ZMAT4: variants seen among roughly 807,000 people sequenced by gnomAD.
The protein encoded by ZMAT4 is zinc finger matrin-type 4.
A neutral mutation model predicts 28.7 loss-of-function variants in ZMAT4; 17 were observed. The observed-to-expected ratio is 0.59, with a 90% confidence interval of 0.41 to 0.89. The LOEUF (loss-of-function observed/expected upper bound fraction) is 0.89. Ranked by LOEUF, ZMAT4 falls within the 40% of genes least tolerant of loss-of-function variation. The probability of loss-of-function intolerance (pLI) is 0.00; values close to 1 mark genes in which losing one functional copy is unlikely to be tolerated. For synonymous variants in ZMAT4, 117 were observed against 109.2 expected, an observed-to-expected ratio of 1.07 and a Z score of -0.44; for missense variants, 240 against 283.8, an observed-to-expected ratio of 0.85 and a Z score of 1.11.
intron 1 of ZMAT4, among the ~76,000 whole-genome samples, chr8:40,896,648 C>G (rs982117255): frequency 2.0e-5 from 3 of 152,166 alleles, no homozygotes; most frequent in Non-Finnish European, 4.4e-5. Context: ...TCCCAAGGGT[C>G]TCAGAGCAAG....
At chr8:40,761,797 G>C (rs1812953345) in intron 3 of ZMAT4, among the ~76,000 whole-genome samples, 1 of 152,140 alleles carries the variant, frequency 6.6e-6, no homozygotes, top group African/African-American at 2.4e-5. Flanking sequence ...CAGAATACTT[G>C]ACACACACTT....
At position 40,725,655 on chromosome 8, in the gene ZMAT4, A is replaced by G. The variant is rs76328760; in HGVS notation, c.193-28254T>C. Among the ~76,000 whole-genome samples, 1,413 of 152,194 alleles carry G rather than the reference A, an allele frequency of 9.3e-3. 22 individuals are homozygous for G. Among genetic ancestry groups the G allele is most frequent in the African/African-American group, 0.033 (1,357 of 41,532 alleles). On this transcript the variant is annotated intron_variant, in intron 3 of 6. Transcript: ENST00000297737. ...TACACTAAATATCTCCTTTAAAGTC[A>G]TGATTTCCAGGAGGCTGAGGCAGGA...
At chr8:40,813,990 A>T (rs1477250445) in intron 2 of ZMAT4, among the ~76,000 whole-genome samples, 2 of 152,126 alleles carry the variant, frequency 1.3e-5, no homozygotes, top group African/African-American at 4.8e-5. Context: ...GTGATCCCAG[A>T]GGTCGGGGAG....
At chr8:40,636,570 G>A (rs901425373) in intron 5 of ZMAT4, among the ~76,000 whole-genome samples, 38 of 152,322 alleles carry the variant, frequency 2.5e-4, no homozygotes, top group South Asian at 2.1e-4. Context: ...AGAAAAGGAG[G>A]ATAATGTGCT....
At chr8:40,534,829 C>T (rs542045755) in intron 6 of ZMAT4, among the ~76,000 whole-genome samples, 6 of 151,914 alleles carry the variant, frequency 3.9e-5, no homozygotes, top group Admixed American at 2.0e-4. Context: ...ATTACAGCCA[C>T]GTGCTACCAC....
At chr8:40,748,840 C>T (rs1446045008) in intron 3 of ZMAT4, among the ~76,000 whole-genome samples, 1 of 152,070 alleles carries the variant, frequency 6.6e-6, no homozygotes, top group Admixed American at 6.5e-5. Flanking sequence ...ATTTCTCTTA[C>T]TCCCTATCAG....
intron 2 of ZMAT4, among the ~76,000 whole-genome samples, chr8:40,790,443 C>T (rs925449349): frequency 5.9e-5 from 9 of 152,080 alleles, no homozygotes; most frequent in African/African-American, 2.2e-4. Context: ...AGATGGATCT[C>T]ATTCTGTCAC....
chr8:40,569,589 G>C (rs1209496360), intron 6 of ZMAT4, among the ~76,000 whole-genome samples: 1 of 152,170 alleles, frequency 6.6e-6, no homozygotes, highest in Non-Finnish European at 1.5e-5. Context: ...ATCCCTGTTT[G>C]CCTGAGAAGT....
intron 2 of ZMAT4, chr8:40,786,821 G>GA (rs1305689665): frequency 9.4e-7 from 1 of 1,061,370 alleles, no homozygotes; most frequent in Non-Finnish European, 1.3e-6. Flanking sequence ...GCTTACAGAA[G>GA]AAAATTGGGA....
chr8:40,560,486 G>C (rs1803701042), intron 6 of ZMAT4, among the ~76,000 whole-genome samples: 1 of 151,684 alleles, frequency 6.6e-6, no homozygotes, highest in Non-Finnish European at 1.5e-5. Context: ...CAATGCTTTA[G>C]CCTCCTGGGT....
chr8:40,736,091 T>C (rs1233200313), intron 3 of ZMAT4, among the ~76,000 whole-genome samples: 1 of 152,154 alleles, frequency 6.6e-6, no homozygotes, highest in African/African-American at 2.4e-5. Context: ...AGTCAACCAA[T>C]GCTATTCAGA....
At chr8:40,559,914 C>T (rs1429949) in intron 6 of ZMAT4, among the ~76,000 whole-genome samples, 99,133 of 151,872 alleles carry the variant, frequency 0.65, 35,191 homozygotes, top group Admixed American at 0.79. Context: ...GAAATAATCC[C>T]TATGGCCCCT....
At chr8:40,730,978 C>A (rs1352996396) in intron 3 of ZMAT4, among the ~76,000 whole-genome samples, 1 of 152,206 alleles carries the variant, frequency 6.6e-6, no homozygotes, top group African/African-American at 2.4e-5. Context: ...AGCCCCATAG[C>A]AGGATACTGT....
intron 5 of ZMAT4, among the ~76,000 whole-genome samples, chr8:40,653,976 T>A (rs1272477257): frequency 2.6e-5 from 4 of 152,170 alleles, no homozygotes; most frequent in African/African-American, 9.7e-5. Flanking sequence ...TGGTTCCTCC[T>A]TCATAGCAGG....
intron 2 of ZMAT4, among the ~76,000 whole-genome samples, chr8:40,811,640 C>T (rs904748588): frequency 5.9e-5 from 9 of 152,138 alleles, no homozygotes; most frequent in Admixed American, 2.6e-4. Flanking sequence ...GCATTGGAGG[C>T]AAACTAACTA....
intron 2 of ZMAT4, among the ~76,000 whole-genome samples, chr8:40,791,472 C>G (rs1814320765): frequency 6.6e-6 from 1 of 152,204 alleles, no homozygotes; most frequent in Non-Finnish European, 1.5e-5. Flanking sequence ...TAGCCCATCT[C>G]CTCTGATCCT....
chr8:40,534,776 A>G (rs1585652250), intron 6 of ZMAT4, among the ~76,000 whole-genome samples: 1 of 142,282 alleles, frequency 7.0e-6, no homozygotes, highest in South Asian at 2.2e-4. Flanking sequence ...TCTGCCTCCC[A>G]GGTTCAAGCA....
intron 1 of ZMAT4, among the ~76,000 whole-genome samples, chr8:40,838,706 C>T (rs1373134633): frequency 6.6e-6 from 1 of 152,126 alleles, no homozygotes. Flanking sequence ...CTCCTAACAC[C>T]CTCTCACGCT....
intron 6 of ZMAT4, among the ~76,000 whole-genome samples, chr8:40,539,347 C>T (rs1004750250): frequency 6.6e-6 from 1 of 152,198 alleles, no homozygotes; most frequent in Admixed American, 6.5e-5. Context: ...CACATTTCTC[C>T]TTGACTGTCC....
Sources: gnomAD v4.1 joint callset for allele counts (sites outside exome capture counted in the v4.1 genomes callset) on GRCh38, gnomAD v4.1.1 for gene constraint, MANE v1.5 for transcripts, NCBI Gene and HGNC (gene_info 2026-07-23, HGNC 2026-07-21) for gene names.